SLMAP: variants seen among roughly 807,000 people sequenced by gnomAD.
SLMAP encodes sarcolemma associated protein, also known as sarcolemmal membrane-associated protein.
In SLMAP, 44 loss-of-function variants were observed where a neutral mutation model predicts 128.8. That is an observed-to-expected ratio of 0.34 (90% confidence interval 0.27 to 0.44). The LOEUF (loss-of-function observed/expected upper bound fraction) is 0.44. Among genes scored for constraint, SLMAP ranks in the 20% least tolerant of loss-of-function variants. SLMAP has a pLI of 1.00. For missense variants in SLMAP, 787 were observed against 985.3 expected, an observed-to-expected ratio of 0.80 and a Z score of 2.69; for synonymous variants, 327 against 348.8, an observed-to-expected ratio of 0.94 and a Z score of 0.70.
chr3:57,878,751 G>A (rs996442924), intron 14 of SLMAP, among the ~76,000 whole-genome samples: 1 of 152,180 alleles, frequency 6.6e-6, no homozygotes, highest in African/African-American at 2.4e-5. Flanking sequence ...ATAATTACCA[G>A]TATGCATGCT....
intron 14 of SLMAP, among the ~76,000 whole-genome samples, chr3:57,872,485 G>A (rs1468722826): frequency 2.0e-5 from 3 of 152,040 alleles, no homozygotes; most frequent in Non-Finnish European, 4.4e-5. Flanking sequence ...TGGGTGTGGT[G>A]GCAGGCGCCT....
chr3:57,858,915 C>G (rs2094915998), intron 8 of SLMAP, among the ~76,000 whole-genome samples: 1 of 152,060 alleles, frequency 6.6e-6, no homozygotes, highest in African/African-American at 2.4e-5. Flanking sequence ...GCAATGTAGC[C>G]TGGGCAACAA....
At chr3:57,912,072 G>A (rs1375991250) in intron 19 of SLMAP, among the ~76,000 whole-genome samples, 2 of 151,954 alleles carry the variant, frequency 1.3e-5, no homozygotes, top group African/African-American at 4.8e-5. Flanking sequence ...AGAAGGATAG[G>A]GAACACTGCA....
chr3:57,927,591 A>G lies in SLMAP; in HGVS notation c.*302A>G. On this transcript the variant is annotated 3_prime_UTR_variant, in exon 25 of 25. Coordinates refer to ENST00000671191, the MANE Select transcript of SLMAP (RefSeq NM_001377540.1). Reference sequence around the variant, plus strand: ...TAAAATTGTGACTTTATTCTACTGTAAGCAATAATTTGCTTGCAATTTTTC... The same window carrying G: ...TAAAATTGTGACTTTATTCTACTGTGAGCAATAATTTGCTTGCAATTTTTC... 1 of 312,154 alleles carries G rather than the reference A, an allele frequency of 3.2e-6. No homozygotes were observed. The highest frequency in any genetic ancestry group is 5.8e-6 in the Non-Finnish European group (1 of 172,044). 19.3% of individuals were successfully genotyped at this position (312,154 alleles called of 1,614,324 possible). A position where few individuals can be genotyped will look rare whatever the true frequency, so the allele number is the denominator to read the frequency against.
chr3:57,835,557 C>G (rs1394258051), intron 3 of SLMAP, among the ~76,000 whole-genome samples: 1 of 152,110 alleles, frequency 6.6e-6, no homozygotes, highest in African/African-American at 2.4e-5. Flanking sequence ...TCAACATAAT[C>G]CACAGACTAA....
At chr3:57,844,851 A>G (rs2094165239) in intron 4 of SLMAP, among the ~76,000 whole-genome samples, 1 of 151,290 alleles carries the variant, frequency 6.6e-6, no homozygotes, top group Non-Finnish European at 1.5e-5. Context: ...GGTAGCTGGG[A>G]TTACAGGTGC....
chr3:57,853,941 C>T (rs1357318908), intron 6 of SLMAP, among the ~76,000 whole-genome samples: 1 of 38,122 alleles, frequency 2.6e-5, no homozygotes, highest in Non-Finnish European at 4.5e-5. Context: ...AATTCTGTCT[C>T]AAAAAAAAAA....
chr3:57,818,136 C>T (rs1359826533), intron 2 of SLMAP, among the ~76,000 whole-genome samples: 1 of 150,800 alleles, frequency 6.6e-6, no homozygotes, highest in Non-Finnish European at 1.5e-5. Context: ...CTCTTTTAGT[C>T]CTGATTTCTT....
At chr3:57,784,221 C>T (rs2083619698) in intron 2 of SLMAP, among the ~76,000 whole-genome samples, 1 of 152,130 alleles carries the variant, frequency 6.6e-6, no homozygotes, top group African/African-American at 2.4e-5. Context: ...CATATAACTG[C>T]ACCCTGGAAA....
chr3:57,887,918 A>G (rs576814927), intron 14 of SLMAP, among the ~76,000 whole-genome samples: 121 of 152,336 alleles, frequency 7.9e-4, no homozygotes, highest in African/African-American at 2.8e-3. Flanking sequence ...GCTAGAAGAC[A>G]GTGGAATAAT....
At chr3:57,908,158 T>C (rs918210748) in intron 18 of SLMAP, 152 bp downstream of exon 18, 2 of 658,606 alleles carry the variant, frequency 3.0e-6, no homozygotes, top group Non-Finnish European at 5.0e-6. Context: ...TCTCTAAACT[T>C]GTGTTTCAGG....
intron 6 of SLMAP, among the ~76,000 whole-genome samples, chr3:57,854,979 A>G (rs2094699664): frequency 1.3e-5 from 2 of 152,236 alleles, no homozygotes; most frequent in African/African-American, 4.8e-5. Flanking sequence ...CTCCTAGGCT[A>G]CAAACCCATA....
At chr3:57,799,422 T>G (rs570119263) in intron 2 of SLMAP, among the ~76,000 whole-genome samples, 1 of 152,232 alleles carries the variant, frequency 6.6e-6, no homozygotes, top group Non-Finnish European at 1.5e-5. Context: ...CCTTATGTGT[T>G]GCAGAGATGT....
intron 15 of SLMAP, among the ~76,000 whole-genome samples, chr3:57,894,672 T>C (rs1215022644): frequency 1.3e-5 from 2 of 152,114 alleles, no homozygotes; most frequent in Non-Finnish European, 2.9e-5. Context: ...AGCACCATGG[T>C]GGAGAAATGA....
At chr3:57,768,749 C>T (rs1447214324) in intron 2 of SLMAP, among the ~76,000 whole-genome samples, 1 of 152,074 alleles carries the variant, frequency 6.6e-6, no homozygotes, top group African/African-American at 2.4e-5. Context: ...TACCATTATA[C>T]TTTGAGTAAA....
intron 17 of SLMAP, among the ~76,000 whole-genome samples, chr3:57,903,623 G>A (rs1176422196): frequency 6.6e-6 from 1 of 152,302 alleles, no homozygotes; most frequent in African/African-American, 2.4e-5. Context: ...TAAGTATTCT[G>A]TCAGTTCATT....
chr3:57,891,122 C>T (rs2096058915), intron 15 of SLMAP: 1 of 151,512 alleles, frequency 6.6e-6, no homozygotes, highest in Non-Finnish European at 1.5e-5. Context: ...TGAGAACAGA[C>T]CTTAAAATAG....
chr3:57,816,472 T>C (rs2091877865), intron 2 of SLMAP, among the ~76,000 whole-genome samples: 1 of 152,188 alleles, frequency 6.6e-6, no homozygotes, highest in Non-Finnish European at 1.5e-5. Flanking sequence ...TATGCTCTGC[T>C]CCATATAGCA....
At chr3:57,888,965 A>T (rs2095986339) in intron 14 of SLMAP, among the ~76,000 whole-genome samples, 1 of 152,006 alleles carries the variant, frequency 6.6e-6, no homozygotes, top group Middle Eastern at 3.4e-3. Flanking sequence ...GCTCACTGCA[A>T]GCTCCGCCTC....
Sources: gnomAD v4.1 joint callset for allele counts (sites outside exome capture counted in the v4.1 genomes callset) on GRCh38, gnomAD v4.1.1 for gene constraint, MANE v1.5 for transcripts, NCBI Gene and HGNC (gene_info 2026-07-23, HGNC 2026-07-21) for gene names.